UGT2A2: variants seen among roughly 807,000 people sequenced by gnomAD.
UGT2A2 encodes UDP glucuronosyltransferase family 2 member A2, also known as UDP-glucuronosyltransferase 2A2.
UGT2A2 carries 60 observed loss-of-function variants against 50.7 expected under a neutral mutation model. The observed-to-expected ratio is 1.18, with a 90% CI of 0.96 to 1.47. The LOEUF (loss-of-function observed/expected upper bound fraction) is 1.47, where lower values mean the gene tolerates loss of function less well. Among genes scored for constraint, UGT2A2 ranks in the 40% most tolerant of loss-of-function variants. The pLI, the probability that UGT2A2 is intolerant of heterozygous loss-of-function variation, is 0.00. For synonymous variants in UGT2A2, 242 were observed against 214.6 expected (o/e 1.13, Z -1.11); for missense variants, 762 against 634.0 (o/e 1.20, Z -2.17).
chr4:69,607,691 A>G, intron 1 of UGT2A2, among the ~76,000 whole-genome samples: 1 of 152,252 alleles, frequency 6.6e-6, no homozygotes, highest in Non-Finnish European at 1.5e-5. Context: ...GCTAATATCC[A>G]GAATCTACAA....
At chr4:69,614,255 A>G (rs551212444) in intron 1 of UGT2A2, among the ~76,000 whole-genome samples, 40 of 152,164 alleles carry the variant, frequency 2.6e-4, no homozygotes, top group Admixed American at 2.0e-3. Context: ...CTAAGAATAA[A>G]CTGAATCAAA....
At chr4:69,607,977 G>C (rs1719763437) in intron 1 of UGT2A2, among the ~76,000 whole-genome samples, 1 of 152,182 alleles carries the variant, frequency 6.6e-6, no homozygotes, top group African/African-American at 2.4e-5. Context: ...TGGTGGGACT[G>C]TAAACTAGTT....
intron 2 of UGT2A2, among the ~76,000 whole-genome samples, chr4:69,598,264 A>T (rs956189137): frequency 6.6e-6 from 1 of 152,184 alleles, no homozygotes; most frequent in African/African-American, 2.4e-5. Flanking sequence ...TAGTACTCTT[A>T]TAGGAACCTG....
At chr4:69,608,858 G>A (rs1719848875) in intron 1 of UGT2A2, among the ~76,000 whole-genome samples, 1 of 152,042 alleles carries the variant, frequency 6.6e-6, no homozygotes, top group African/African-American at 2.4e-5. Flanking sequence ...ACCATGTCCA[G>A]TAATTTTTGT....
rs752746157 is a variant in UGT2A2 at position 69,589,459 on chromosome 4, C to T, written c.1524G>A (p.Val508=). The change falls in exon 6 of 6, where the codon GTG becomes GTA. Residue 508 remains valine, a synonymous_variant. Transcript: ENST00000604629. ...LDVIGFLLVC[V]TTAIFLVIQC... ...GTATGACCAAAAATATAGCCGTTGT[C>T]ACACAGACCAGCAAGAACCCAATTA... The T allele has an allele frequency of 6.2e-7, 1 of 1,614,042 alleles. No homozygotes were observed. The highest frequency in any genetic ancestry group is 8.5e-7 in the Non-Finnish European group (1 of 1,180,008).
At chr4:69,613,173 A>G (rs974427519) in intron 1 of UGT2A2, among the ~76,000 whole-genome samples, 2 of 152,006 alleles carry the variant, frequency 1.3e-5, no homozygotes, top group Admixed American at 6.6e-5. Flanking sequence ...CAAAATCATA[A>G]TGATATATAA....
chr4:69,603,557 A>T (rs1719422356), intron 1 of UGT2A2: 1 of 136,942 alleles, frequency 7.3e-6, no homozygotes, highest in Admixed American at 7.2e-5. Context: ...ACAGAACAAA[A>T]CTGGACGGAG....
At chr4:69,610,887 C>A (rs567932374) in intron 1 of UGT2A2, among the ~76,000 whole-genome samples, 1 of 152,286 alleles carries the variant, frequency 6.6e-6, no homozygotes, top group South Asian at 2.1e-4. Flanking sequence ...CTACACACCA[C>A]TGGTTAGGAA....
At chr4:69,595,332 A>G in intron 3 of UGT2A2, 83 bp from the exon 4 acceptor site, 1 of 1,508,662 alleles carries the variant, frequency 6.6e-7, no homozygotes. Flanking sequence ...GAAATCATTT[A>G]GCCAGCTACT....
chr4:69,637,477 C>T (rs1186475063), intron 1 of UGT2A2, among the ~76,000 whole-genome samples: 1 of 152,042 alleles, frequency 6.6e-6, no homozygotes. Flanking sequence ...ATGTGTATGG[C>T]TTGCCACAGG....
chr4:69,593,739 A>C (rs937334854), intron 5 of UGT2A2, among the ~76,000 whole-genome samples: 6 of 151,830 alleles, frequency 4.0e-5, no homozygotes, highest in Non-Finnish European at 7.4e-5. Flanking sequence ...GTGTGTATAC[A>C]TATACTAATT....
At chr4:69,601,711 C>T (rs1479124431) in intron 1 of UGT2A2, among the ~76,000 whole-genome samples, 2 of 151,552 alleles carry the variant, frequency 1.3e-5, no homozygotes, top group Non-Finnish European at 2.9e-5. Flanking sequence ...TATGTAACTC[C>T]CCTGCCACCC....
chr4:69,596,152 A>T lies in UGT2A2; in HGVS notation c.1023+98T>A, dbSNP rs895071433. On this transcript the variant is annotated intron_variant, in intron 3 of 5. Transcript: ENST00000604629. ...AACTGTTACTAGTGATACTCAGTGT[A>T]TAATGAGTTTTGATTTTCATATGGA... The T allele has an allele frequency of 8.8e-6, 12 of 1,361,652 alleles. No individual in the cohort carries two copies. The East Asian group carries it at 2.8e-4, about 32-fold the overall frequency. The allele number at this position is 1,361,652 out of a possible 1,614,324, so 84.3% of individuals were successfully genotyped here. A position where few individuals can be genotyped will look rare whatever the true frequency, so the allele number is the denominator to read the frequency against.
intron 1 of UGT2A2, among the ~76,000 whole-genome samples, chr4:69,615,302 G>C (rs1331799274): frequency 6.6e-6 from 1 of 151,982 alleles, no homozygotes; most frequent in Non-Finnish European, 1.5e-5. Context: ...CTAAGACAAT[G>C]TTCTGGGCAG....
chr4:69,639,472 G>C lies in UGT2A2; in HGVS notation c.169C>G (p.His57Asp). Residue 57 changes from histidine to aspartate, a missense_variant, in exon 1 of 6, where the codon CAC (histidine) becomes GAC (aspartate). Coordinates refer to ENST00000604629, the MANE Select transcript of UGT2A2 (RefSeq NM_001105677.2). ...IILEELIQRN[H>D]NVTVLASSAT... ...GATGAAGCCAGTACAGTCACATTGTGATTTCTTTGAATCAACTCTTCTAGA... is the reference window on the plus strand; with the variant it reads ...GATGAAGCCAGTACAGTCACATTGTCATTTCTTTGAATCAACTCTTCTAGA... The C allele has an allele frequency of 6.2e-7, 1 of 1,613,048 alleles. No individual in the cohort carries two copies. The highest frequency in any genetic ancestry group is 8.5e-7 in the Non-Finnish European group (1 of 1,179,502).
chr4:69,591,590 C>G (rs1358018771), intron 5 of UGT2A2, among the ~76,000 whole-genome samples: 4 of 152,086 alleles, frequency 2.6e-5, no homozygotes, highest in Admixed American at 6.6e-5. Flanking sequence ...GAGAGGTATA[C>G]TAAGGCATAT....
chr4:69,619,061 T>G (rs1247916612), intron 1 of UGT2A2, among the ~76,000 whole-genome samples: 1 of 151,834 alleles, frequency 6.6e-6, no homozygotes, highest in Non-Finnish European at 1.5e-5. Flanking sequence ...ATGTAGGAAT[T>G]TATTTATATC....
intron 1 of UGT2A2, among the ~76,000 whole-genome samples, chr4:69,610,456 T>C (rs1719966926): frequency 6.6e-6 from 1 of 152,186 alleles, no homozygotes; most frequent in African/African-American, 2.4e-5. Flanking sequence ...GTATTACAAA[T>C]ATTTTTTTCA....
intron 5 of UGT2A2, among the ~76,000 whole-genome samples, chr4:69,590,872 A>T (rs538681378): frequency 9.8e-5 from 15 of 152,288 alleles, no homozygotes; most frequent in Non-Finnish European, 1.9e-4. Flanking sequence ...TATGACTGAT[A>T]TGTTAAAATA....
Sources: gnomAD v4.1 joint callset for allele counts (sites outside exome capture counted in the v4.1 genomes callset) on GRCh38, gnomAD v4.1.1 for gene constraint, MANE v1.5 for transcripts, NCBI Gene and HGNC (gene_info 2026-07-23, HGNC 2026-07-21) for gene names.